FAM83B: variants seen among roughly 807,000 people sequenced by gnomAD.
FAM83B encodes protein FAM83B.
In FAM83B, 26 loss-of-function variants were observed where a neutral mutation model predicts 38.8. That is an observed-to-expected ratio of 0.67 (90% CI 0.49 to 0.93). The LOEUF (loss-of-function observed/expected upper bound fraction) is 0.93, where lower values mean the gene tolerates loss of function less well. Among genes scored for constraint, FAM83B ranks in the 40% least tolerant of loss-of-function variants. The pLI is 0.00. For synonymous variants in FAM83B, 419 were observed against 423.1 expected (o/e 0.99, Z 0.12); for missense variants, 1,237 against 1,197.3 (o/e 1.03, Z -0.49).
intron 2 of FAM83B, among the ~76,000 whole-genome samples, chr6:54,887,396 G>A (rs1772304262): frequency 6.6e-6 from 1 of 152,174 alleles, no homozygotes; most frequent in African/African-American, 2.4e-5. Context: ...ACATACAGAG[G>A]TCCTGGAACT....
At chr6:54,907,180 T>G (rs950264283) in intron 2 of FAM83B, among the ~76,000 whole-genome samples, 2 of 152,208 alleles carry the variant, frequency 1.3e-5, no homozygotes, top group African/African-American at 2.4e-5. Flanking sequence ...TTCCAGCCTC[T>G]TTTGTTGTTT....
rs1771828150 is a variant in FAM83B at position 54,870,649 on chromosome 6, A to G, written c.403A>G (p.Ile135Val). The G allele has an allele frequency of 6.2e-7, 1 of 1,609,748 alleles. No homozygotes were observed. The highest frequency in any genetic ancestry group is 8.5e-7 in the Non-Finnish European group (1 of 1,178,444). The change falls in exon 2 of 5, where the codon ATA becomes GTA. Residue 135 changes from isoleucine to valine, a missense_variant. Ile to Val is a conservative substitution (Grantham distance 29). Coordinates refer to ENST00000306858, the MANE Select transcript of FAM83B (RefSeq NM_001010872.3). ...FHPPRAHLLTIKETIRKMIKE... is the reference protein window; with the variant it reads ...FHPPRAHLLTVKETIRKMIKE... Reference sequence around the variant, plus strand: ...TCCACCAAGAGCACATCTACTTACGATAAAAGAAACTATTCGGAAGATGAT... The same window carrying G: ...TCCACCAAGAGCACATCTACTTACGGTAAAAGAAACTATTCGGAAGATGAT...
chr6:54,931,369 T>C (rs550699204), intron 4 of FAM83B, among the ~76,000 whole-genome samples: 1 of 152,312 alleles, frequency 6.6e-6, no homozygotes, highest in East Asian at 1.9e-4. Context: ...CATTCATTAT[T>C]GAAAGTAGAG....
At chr6:54,865,885 T>C (rs1349609136) in intron 1 of FAM83B, among the ~76,000 whole-genome samples, 1 of 151,974 alleles carries the variant, frequency 6.6e-6, no homozygotes, top group Non-Finnish European at 1.5e-5. Context: ...AACATCTCTT[T>C]TCAAATCTTA....
intron 1 of FAM83B, among the ~76,000 whole-genome samples, chr6:54,868,441 C>G (rs554512553): frequency 1.3e-5 from 2 of 152,218 alleles, no homozygotes; most frequent in Admixed American, 1.3e-4. Context: ...GATGACATAT[C>G]CTAGAATGAT....
chr6:54,861,630 A>G (rs1309076543), intron 1 of FAM83B, among the ~76,000 whole-genome samples: 3 of 152,224 alleles, frequency 2.0e-5, no homozygotes. Flanking sequence ...CTGGCCCTAA[A>G]TGTCATTTCA....
intron 4 of FAM83B, among the ~76,000 whole-genome samples, chr6:54,935,546 G>GA (rs779745133): frequency 6.6e-6 from 1 of 152,100 alleles, no homozygotes; most frequent in Non-Finnish European, 1.5e-5. Flanking sequence ...TTAAGCAAGG[G>GA]AAGAGCTATC....
chr6:54,929,410 A>G (rs1192054065), intron 4 of FAM83B, among the ~76,000 whole-genome samples: 2 of 152,146 alleles, frequency 1.3e-5, no homozygotes, highest in African/African-American at 4.8e-5. Context: ...GGAGAGGCCC[A>G]GAATCTGTAT....
Position 54,916,788 on chromosome 6 carries a change from T to C in FAM83B, c.445-9583T>C, listed in dbSNP as rs577525741. ...ATGAATGTGGGCAGTATTTGTCTCT[T>C]TGACTCTATTTGCATGACTTACGAA... On this transcript the variant is annotated intron_variant, in intron 2 of 4. Transcript: ENST00000306858. Among the ~76,000 whole-genome samples the C allele has an allele frequency of 6.5e-4, 99 of 152,312 alleles. 2 individuals are homozygous for C. The South Asian group carries it at 0.019, about 29-fold the overall frequency.
chr6:54,895,133 A>G (rs1339797127), intron 2 of FAM83B, among the ~76,000 whole-genome samples: 1 of 152,230 alleles, frequency 6.6e-6, no homozygotes, highest in Admixed American at 6.5e-5. Context: ...TGGTGTTAAA[A>G]GTACTGTATT....
At chr6:54,893,036 A>G (rs1405160486) in intron 2 of FAM83B, among the ~76,000 whole-genome samples, 1 of 152,086 alleles carries the variant, frequency 6.6e-6, no homozygotes, top group African/African-American at 2.4e-5. Flanking sequence ...TCCTCCCACC[A>G]ACAACTGTGT....
At chr6:54,864,601 A>G (rs1771658607) in intron 1 of FAM83B, among the ~76,000 whole-genome samples, 2 of 152,246 alleles carry the variant, frequency 1.3e-5, no homozygotes, top group Admixed American at 6.5e-5. Flanking sequence ...AACATGAGAT[A>G]TCAAATTGCA....
At chr6:54,915,482 A>G (rs529076711) in intron 2 of FAM83B, among the ~76,000 whole-genome samples, 3 of 152,238 alleles carry the variant, frequency 2.0e-5, no homozygotes, top group African/African-American at 4.8e-5. Context: ...CTAGGACTGA[A>G]AACCCCTAAC....
chr6:54,905,997 A>G (rs1772768800), intron 2 of FAM83B, among the ~76,000 whole-genome samples: 1 of 151,422 alleles, frequency 6.6e-6, no homozygotes, highest in African/African-American at 2.4e-5. Context: ...AGAATAGTTT[A>G]TATATATTCT....
At chr6:54,890,063 A>G (rs1772365433) in intron 2 of FAM83B, among the ~76,000 whole-genome samples, 1 of 152,114 alleles carries the variant, frequency 6.6e-6, no homozygotes. Context: ...ATAAAACCAA[A>G]TACAAGAATT....
chr6:54,915,840 A>AAAAAAAAC, intron 2 of FAM83B, among the ~76,000 whole-genome samples: 1 of 151,062 alleles, frequency 6.6e-6, no homozygotes, highest in African/African-American at 2.4e-5. Context: ...AAAAAAAAGA[A>AAAAAAAAC]ACTCACATTT....
At chr6:54,895,950 A>G (rs1049893348) in intron 2 of FAM83B, among the ~76,000 whole-genome samples, 1 of 152,070 alleles carries the variant, frequency 6.6e-6, no homozygotes, top group Non-Finnish European at 1.5e-5. Flanking sequence ...CAGTGGCATT[A>G]TCTCAGCTCA....
chr6:54,868,738 C>A (rs1272547122), intron 1 of FAM83B, among the ~76,000 whole-genome samples: 3 of 152,138 alleles, frequency 2.0e-5, no homozygotes, highest in Non-Finnish European at 1.5e-5. Context: ...GTTGTCTGGG[C>A]TTGGATCAAA....
At chr6:54,928,009 AG>A in intron 4 of FAM83B, among the ~76,000 whole-genome samples, 1 of 152,334 alleles carries the variant, frequency 6.6e-6, no homozygotes, top group Non-Finnish European at 1.5e-5. Flanking sequence ...TACCACTTTA[AG>A]TAATCTGGTA....
Sources: allele counts gnomAD v4.1 joint callset (sites outside exome capture counted in the v4.1 genomes callset), GRCh38; gene constraint gnomAD v4.1.1; transcripts MANE v1.5; gene names NCBI Gene and HGNC (gene_info 2026-07-23, HGNC 2026-07-21).